C1QTNF5: variants seen among roughly 807,000 people sequenced by gnomAD.
C1QTNF5 encodes C1q and TNF related 5, also known as complement C1q tumor necrosis factor-related protein 5.
A neutral mutation model predicts 10.9 loss-of-function variants in C1QTNF5; 5 were observed. The ratio of observed to expected loss-of-function variants is 0.46; its 90% CI spans 0.24 to 0.97. C1QTNF5 has a LOEUF of 0.97. Among genes scored for constraint, C1QTNF5 ranks in the 50% least tolerant of loss-of-function variants. C1QTNF5 has a pLI of 0.19. For missense variants in C1QTNF5, 281 were observed against 339.4 expected (o/e 0.83, Z 1.35); for synonymous variants, 161 against 156.5 (o/e 1.03, Z -0.22).
the C1QTNF5 span, chr11:119,346,247 C>G: frequency 6.3e-7 from 1 of 1,594,482 alleles, no homozygotes. Flanking sequence ...CTGTCCTCCC[C>G]CAGGTCACCC....
chr11:119,344,200 C>A (rs1950533878), upstream of C1QTNF5: 1 of 1,117,124 alleles, frequency 9.0e-7, no homozygotes, highest in Non-Finnish European at 1.4e-6. Flanking sequence ...TCTGCTTGAT[C>A]TCTGACCTTC....
upstream of C1QTNF5, chr11:119,343,920 T>C (rs1565294073): frequency 6.2e-7 from 1 of 1,613,358 alleles, no homozygotes; most frequent in African/African-American, 1.3e-5. Context: ...GGAACTGTAG[T>C]TCTATGCTGT....
rs1272028601 is a variant in C1QTNF5 at position 119,340,341 on chromosome 11, C to T, written c.57G>A (p.Leu19=). ...AGAGGCTGGGGATCTTGTTGTCGTC[C>T]AGTGGGGGCGAGCCGGCCGCCAGGC... ...LLGLAAGSPP[L]DDNKIPSLCP... Residue 19 remains leucine (L), a synonymous_variant, in exon 2 of 3, where the codon CTG becomes CTA. Coordinates refer to ENST00000528368, the MANE Select transcript of C1QTNF5 (RefSeq NM_001278431.2). The T allele has an allele frequency of 2.6e-6, 4 of 1,543,868 alleles. No individual in the cohort carries two copies. The South Asian group carries it at 3.6e-5, about 14-fold the overall frequency.
At chr11:119,341,272 GA>G, upstream of C1QTNF5, 1 of 510,916 alleles carries the variant, frequency 2.0e-6, no homozygotes, top group East Asian at 3.3e-5. Context: ...AAAGCAGATG[GA>G]AAGGGGAAGA....
chr11:119,343,061 C>T (rs2135369649), upstream of C1QTNF5: 4 of 1,548,782 alleles, frequency 2.6e-6, no homozygotes, highest in East Asian at 4.8e-5. Flanking sequence ...GGGGGCACTG[C>T]AGCCTCCCAC....
upstream of C1QTNF5, chr11:119,344,974 G>A: frequency 6.2e-7 from 1 of 1,608,020 alleles, no homozygotes; most frequent in Non-Finnish European, 8.5e-7. Context: ...CATTGGTGTT[G>A]AGCGTGGGGG....
At chr11:119,344,385 C>T, upstream of C1QTNF5, 1 of 1,613,646 alleles carries the variant, frequency 6.2e-7, no homozygotes, top group Non-Finnish European at 8.5e-7. Context: ...CAGATTCCCC[C>T]CACACCCTGT....
upstream of C1QTNF5, chr11:119,344,918 C>G (rs751515203): frequency 6.2e-7 from 1 of 1,612,118 alleles, no homozygotes; most frequent in Non-Finnish European, 8.5e-7. Flanking sequence ...GAAACCAAAT[C>G]CTTCCACACT....
At chr11:119,344,243 C>G, upstream of C1QTNF5, 2 of 1,390,344 alleles carry the variant, frequency 1.4e-6, no homozygotes, top group Non-Finnish European at 2.0e-6. Context: ...CATGCCATTC[C>G]CATTACACTA....
upstream of C1QTNF5, chr11:119,345,136 G>T: frequency 8.2e-7 from 1 of 1,217,412 alleles, no homozygotes; most frequent in Non-Finnish European, 1.2e-6. Flanking sequence ...AGGCTCCTCT[G>T]ATGTCCCAGG....
chr11:119,344,885 G>GTA, upstream of C1QTNF5: 1 of 1,612,986 alleles, frequency 6.2e-7, no homozygotes, highest in Non-Finnish European at 8.5e-7. Flanking sequence ...GCGCCCAGGG[G>GTA]CCATAGCCTG....
chr11:119,343,767 G>A (rs1457993560), upstream of C1QTNF5: 1 of 1,610,134 alleles, frequency 6.2e-7, no homozygotes, highest in Non-Finnish European at 8.5e-7. Flanking sequence ...GCCGGGGGTG[G>A]CAGACAGTGA....
chr11:119,344,020 G>T, upstream of C1QTNF5: 1 of 1,604,632 alleles, frequency 6.2e-7, no homozygotes. Context: ...CTCATCCCGG[G>T]CACCCAGAAG....
At position 119,340,731 on chromosome 11, in the gene C1QTNF5, G is replaced by A; in HGVS notation, c.-80C>T. 2.7e-6 allele frequency: 1 copy of A among 367,254 alleles called. No homozygotes were observed. Among genetic ancestry groups the A allele is most frequent in the Non-Finnish European group, 5.0e-6 (1 of 200,098 alleles). The allele number at this position is 367,254 out of a possible 1,614,324, so 22.7% of individuals were successfully genotyped here. ...GCTCCCCGATGGCCTCCTTCGGGGC[G>A]CTCGCTACTCCGGACCCTCCAGTTG... On this transcript the variant is annotated 5_prime_UTR_variant, in exon 1 of 3. Coordinates refer to ENST00000528368, the MANE Select transcript of C1QTNF5 (RefSeq NM_001278431.2).
upstream of C1QTNF5, chr11:119,344,061 A>T (rs948413): frequency 8.8e-5 from 132 of 1,501,520 alleles, no homozygotes; most frequent in South Asian, 1.3e-3. Context: ...GGCTGGGGGG[A>T]TGGGGTGGTG....
upstream of C1QTNF5, chr11:119,344,562 C>T (rs983476354): frequency 6.2e-6 from 10 of 1,610,458 alleles, no homozygotes; most frequent in African/African-American, 1.3e-4. Context: ...GAGGCTGGAC[C>T]AGAGCTGGGG....
At chr11:119,345,851 G>T (rs755624004), upstream of C1QTNF5, 2 of 1,613,778 alleles carry the variant, frequency 1.2e-6, no homozygotes, top group African/African-American at 1.3e-5. Context: ...GTGATGGTGG[G>T]GGTGGTGGTG....
chr11:119,345,738 GC>G (rs1285577018), upstream of C1QTNF5: 1 of 1,613,238 alleles, frequency 6.2e-7, no homozygotes, highest in Non-Finnish European at 8.5e-7. Context: ...GTCATCTTGG[GC>G]CCTTCTCCCG....
chr11:119,346,167 T>C, the C1QTNF5 span: 1 of 1,582,622 alleles, frequency 6.3e-7, no homozygotes, highest in Non-Finnish European at 8.6e-7. Context: ...GACCTGCGGG[T>C]TGGCAGGTGG....
Sources: gnomAD v4.1 joint callset for allele counts on GRCh38, gnomAD v4.1.1 for gene constraint, MANE v1.5 for transcripts, NCBI Gene and HGNC (gene_info 2026-07-23, HGNC 2026-07-21) for gene names.